Variants in QKI observed in about 807,000 individuals in gnomAD.
QKI encodes the protein KH domain-containing RNA-binding protein QKI.
QKI carries 10 observed loss-of-function variants against 39.0 expected under a neutral mutation model. The observed-to-expected ratio is 0.26, with a 90% CI of 0.16 to 0.43. QKI has a LOEUF of 0.43. Among genes scored for constraint, QKI ranks in the 20% least tolerant of loss-of-function variants. QKI has a pLI of 1.00. For synonymous variants in QKI, 204 were observed against 155.4 expected, an observed-to-expected ratio of 1.31 and a Z score of -2.33; for missense variants, 218 against 428.0, an observed-to-expected ratio of 0.51 and a Z score of 4.33.
At chr6:163,476,812 TA>T (rs1055528030) in intron 2 of QKI, among the ~76,000 whole-genome samples, 1 of 152,192 alleles carries the variant, frequency 6.6e-6, no homozygotes, top group African/African-American at 2.4e-5. Flanking sequence ...CCTGAGGTTT[TA>T]AGCAAAGGAT....
At chr6:163,570,401 T>G in intron 7 of QKI, 1 of 983,010 alleles carries the variant, frequency 1.0e-6, no homozygotes, top group Non-Finnish European at 1.2e-6. Flanking sequence ...TACTAACTAT[T>G]AGTTGTTAGT....
chr6:163,512,568 C>G (rs952939950), intron 3 of QKI, among the ~76,000 whole-genome samples: 2 of 151,968 alleles, frequency 1.3e-5, no homozygotes, highest in African/African-American at 4.8e-5. Flanking sequence ...TCACACAACT[C>G]CTAATAACTG....
chr6:163,439,301 G>A (rs142587514), intron 1 of QKI, among the ~76,000 whole-genome samples: 2 of 145,952 alleles, frequency 1.4e-5, no homozygotes, highest in East Asian at 4.0e-4. Flanking sequence ...ATCAAACTCA[G>A]AATTTTCGCT....
intron 3 of QKI, among the ~76,000 whole-genome samples, chr6:163,522,947 G>A (rs1475315607): frequency 6.6e-6 from 1 of 151,776 alleles, no homozygotes; most frequent in Non-Finnish European, 1.5e-5. Flanking sequence ...ACAAATGATG[G>A]AACCTCCTGT....
intron 4 of QKI, among the ~76,000 whole-genome samples, chr6:163,547,240 C>G (rs1397605030): frequency 6.6e-6 from 1 of 152,156 alleles, no homozygotes; most frequent in Non-Finnish European, 1.5e-5. Flanking sequence ...ATCTCACAAA[C>G]TTCTATTGAA....
intron 7 of QKI, chr6:163,568,765 C>G (rs1046722956): frequency 3.0e-6 from 3 of 984,720 alleles, no homozygotes; most frequent in Non-Finnish European, 3.6e-6. Flanking sequence ...TGACCAATAT[C>G]TAGTTCTTTA....
chr6:163,453,619 G>A (rs1790731764), intron 1 of QKI, among the ~76,000 whole-genome samples: 1 of 152,126 alleles, frequency 6.6e-6, no homozygotes, highest in Non-Finnish European at 1.5e-5. Context: ...ACACCAAGTT[G>A]ATACTGGACA....
At chr6:163,505,727 G>A (rs188787758) in intron 3 of QKI, among the ~76,000 whole-genome samples, 1 of 152,284 alleles carries the variant, frequency 6.6e-6, no homozygotes, top group Admixed American at 6.5e-5. Context: ...TGGGAGAAGG[G>A]ATTTTCCTTT....
At chr6:163,539,854 A>G (rs992039123) in intron 4 of QKI, among the ~76,000 whole-genome samples, 1 of 152,184 alleles carries the variant, frequency 6.6e-6, no homozygotes, top group Admixed American at 6.5e-5. Context: ...CCTGGATATT[A>G]TCAAACTTTG....
chr6:163,546,259 C>T (rs1380599623), intron 4 of QKI, among the ~76,000 whole-genome samples: 1 of 151,650 alleles, frequency 6.6e-6, no homozygotes, highest in East Asian at 1.9e-4. Context: ...TCATACATCA[C>T]TTTAATTTGT....
At chr6:163,511,769 A>G (rs925373953) in intron 3 of QKI, among the ~76,000 whole-genome samples, 1 of 151,978 alleles carries the variant, frequency 6.6e-6, no homozygotes, top group Non-Finnish European at 1.5e-5. Context: ...ACTTCAAGAA[A>G]GAAATATTGT....
intron 3 of QKI, among the ~76,000 whole-genome samples, chr6:163,481,443 AC>A (rs1228795765): frequency 1.3e-5 from 2 of 152,184 alleles, no homozygotes; most frequent in Non-Finnish European, 2.9e-5. Context: ...TTTGGTGAGT[AC>A]CTGGCACAGA....
At position 163,435,640 on chromosome 6, in the gene QKI, A is replaced by C. The variant is rs182175794; in HGVS notation, c.143-19639A>C. ...GCACATGCATTTTTGTATTTTATAAAGTATTTAAAATTTTGCTGGTTTTTA... is the reference window on the plus strand; with the variant it reads ...GCACATGCATTTTTGTATTTTATAACGTATTTAAAATTTTGCTGGTTTTTA... On this transcript the variant is annotated intron_variant, in intron 1 of 7. Transcript: ENST00000361752. Among the ~76,000 whole-genome samples, 975 of 152,306 alleles carry C rather than the reference A, an allele frequency of 6.4e-3. 10 individuals are homozygous for C. The highest frequency in any genetic ancestry group is 0.022 in the African/African-American group (913 of 41,554).
Position 163,576,416 on chromosome 6 carries a change from T to G in QKI, c.*5706T>G, listed in dbSNP as rs1783976779. 6.6e-6 allele frequency: 1 copy of G among 152,138 alleles called. No homozygotes were observed. Among genetic ancestry groups the G allele is most frequent in the Admixed American group, 6.5e-5 (1 of 15,270 alleles). The allele number at this position is 152,138 out of a possible 1,614,324, so 9.4% of individuals were successfully genotyped here. A position where few individuals can be genotyped will look rare whatever the true frequency, so the allele number is the denominator to read the frequency against. ...CACATTATAATGTTGTTGCCTCTTCTTGGCAAAAGACACCACATTGTGGGA... is the reference window on the plus strand; with the variant it reads ...CACATTATAATGTTGTTGCCTCTTCGTGGCAAAAGACACCACATTGTGGGA... On this transcript the variant is annotated 3_prime_UTR_variant, in exon 8 of 8. Transcript: ENST00000361752.
intron 4 of QKI, among the ~76,000 whole-genome samples, chr6:163,549,857 A>G (rs376208377): frequency 9.4e-4 from 143 of 152,362 alleles, no homozygotes; most frequent in African/African-American, 3.1e-3. Context: ...TTCTTTTACA[A>G]TCTAACACAC....
At chr6:163,481,474 A>T (rs1377764253) in intron 3 of QKI, among the ~76,000 whole-genome samples, 2 of 152,148 alleles carry the variant, frequency 1.3e-5, no homozygotes, top group Admixed American at 6.5e-5. Context: ...CTTGAAAAAA[A>T]TACCTGTGAA....
intron 3 of QKI, among the ~76,000 whole-genome samples, chr6:163,508,574 G>C (rs1190927212): frequency 6.8e-6 from 1 of 147,032 alleles, no homozygotes; most frequent in Admixed American, 6.9e-5. Flanking sequence ...TTGTTGCCCA[G>C]GCTGGAGTGC....
At chr6:163,513,643 G>A (rs1266149299) in intron 3 of QKI, among the ~76,000 whole-genome samples, 2 of 152,130 alleles carry the variant, frequency 1.3e-5, no homozygotes, top group African/African-American at 4.8e-5. Flanking sequence ...GTTCGATGAT[G>A]CAGCATTTTT....
intron 3 of QKI, among the ~76,000 whole-genome samples, chr6:163,526,493 A>G (rs891349326): frequency 1.2e-4 from 19 of 152,212 alleles, no homozygotes; most frequent in African/African-American, 4.6e-4. Flanking sequence ...GGCAGTAACG[A>G]ATTTTATGTG....
Sources: allele counts gnomAD v4.1 joint callset (sites outside exome capture counted in the v4.1 genomes callset), GRCh38; gene constraint gnomAD v4.1.1; transcripts MANE v1.5; gene names NCBI Gene and HGNC (gene_info 2026-07-23, HGNC 2026-07-21).